Variants in CP observed in about 807,000 individuals in gnomAD.
CP encodes caeruloplasmin.
A neutral mutation model predicts 122.4 loss-of-function variants in CP; 64 were observed. That is an observed-to-expected ratio of 0.52 (90% CI 0.43 to 0.64). The LOEUF (loss-of-function observed/expected upper bound fraction) is 0.64, where lower values mean the gene tolerates loss of function less well. Ranked by LOEUF, CP falls within the 30% of genes least tolerant of loss-of-function variation. The pLI, the probability that CP is intolerant of heterozygous loss-of-function variation, is 0.00. For synonymous variants in CP, 440 were observed against 436.4 expected, an observed-to-expected ratio of 1.01 and a Z score of -0.10; for missense variants, 1,167 against 1,284.4, an observed-to-expected ratio of 0.91 and a Z score of 1.40.
At chr3:149,199,547 G>A (rs1179454061) in intron 8 of CP, among the ~76,000 whole-genome samples, 165 bp downstream of exon 8, 1 of 152,196 alleles carries the variant, frequency 6.6e-6, no homozygotes, top group African/African-American at 2.4e-5. Flanking sequence ...AAACCAATTG[G>A]AGGTAGGAGA....
At chr3:149,214,624 G>A (rs1250756194) in intron 1 of CP, among the ~76,000 whole-genome samples, 1 of 152,004 alleles carries the variant, frequency 6.6e-6, no homozygotes, top group Admixed American at 6.6e-5. Context: ...TTTTCTATTT[G>A]TTTTCACTTT....
intron 1 of CP, among the ~76,000 whole-genome samples, chr3:149,217,457 C>T (rs1485947664): frequency 6.6e-6 from 1 of 152,110 alleles, no homozygotes; most frequent in African/African-American, 2.4e-5. Flanking sequence ...TAACTAGAGA[C>T]TTTACCAATC....
At chr3:149,169,913 AG>A (rs1027417543), downstream of CP, among the ~76,000 whole-genome samples, 1 of 152,208 alleles carries the variant, frequency 6.6e-6, no homozygotes, top group African/African-American at 2.4e-5. Flanking sequence ...GAAGATTTTA[AG>A]GGTACAGGTT....
intron 1 of CP, 24 bp from the exon 2 acceptor site, chr3:149,212,722 C>T: frequency 6.2e-7 from 1 of 1,611,414 alleles, no homozygotes; most frequent in African/African-American, 1.3e-5. Context: ...CAAGACAACT[C>T]TATCAGAAGC....
At chr3:149,186,386 C>T (rs1726172322) in intron 11 of CP, 134 bp downstream of exon 11, 1 of 829,012 alleles carries the variant, frequency 1.2e-6, no homozygotes. Flanking sequence ...TAGACTTGCT[C>T]TTTCAAAGAT....
intron 2 of CP, 121 bp downstream of exon 2, chr3:149,212,330 T>A (rs1291659283): frequency 2.0e-6 from 2 of 1,009,646 alleles, no homozygotes; most frequent in South Asian, 1.8e-5. Context: ...AAAAAAAAAA[T>A]AGTTAAGAGC....
chr3:149,211,386 C>T (rs1728088616), intron 2 of CP, among the ~76,000 whole-genome samples: 1 of 152,090 alleles, frequency 6.6e-6, no homozygotes, highest in South Asian at 2.1e-4. Flanking sequence ...AGTAATTTGT[C>T]CAAGGTCACT....
At chr3:149,195,880 A>G (rs1726869560) in intron 9 of CP, among the ~76,000 whole-genome samples, 1 of 151,870 alleles carries the variant, frequency 6.6e-6, no homozygotes, top group Admixed American at 6.6e-5. Context: ...AAAAAAAAAA[A>G]GAATAAACTA....
chr3:149,174,923 T>C (rs1725312493), intron 18 of CP, among the ~76,000 whole-genome samples: 2 of 152,194 alleles, frequency 1.3e-5, no homozygotes, highest in Non-Finnish European at 1.5e-5. Context: ...TGCTATTTGT[T>C]CTGTAATTTT....
In CP at chr3:149,207,457, G is replaced by C. The variant is rs760217447; in HGVS notation, c.942C>G (p.Ile314Met). Reference sequence around the variant, plus strand: ...CAAACAGGGTAGCAGGAAAGAGGTTGATTGTGTCAATACGGTAGTTCTTGT... The same window carrying C: ...CAAACAGGGTAGCAGGAAAGAGGTTCATTGTGTCAATACGGTAGTTCTTGT... The part of the protein sequence containing the change: ...LTNKNYRIDT[I>M]NLFPATLFDA... Residue 314 changes from isoleucine to methionine, a missense_variant, in exon 5 of 19, where the codon ATC (isoleucine) becomes ATG (methionine). Around this residue, in one of 2 missense-constraint regions of CP, gnomAD observed 642 missense variants for 627.3 expected, o/e 1.02. Coordinates refer to ENST00000264613, the MANE Select transcript of CP (RefSeq NM_000096.4). 31 of 1,613,906 alleles carry C rather than the reference G, an allele frequency of 1.9e-5. No homozygotes were observed. Among genetic ancestry groups the C allele is most frequent in the Non-Finnish European group, 2.5e-5 (30 of 1,179,910 alleles).
intron 2 of CP, among the ~76,000 whole-genome samples, chr3:149,212,228 T>G (rs1728159905): frequency 1.3e-5 from 2 of 151,980 alleles, no homozygotes; most frequent in East Asian, 1.9e-4. Context: ...GGAGAATGGC[T>G]TGAACCCCGG....
At chr3:149,197,798 G>A (rs116645465) in intron 9 of CP, among the ~76,000 whole-genome samples, 3,008 of 152,252 alleles carry the variant, frequency 0.02, 114 homozygotes, top group African/African-American at 0.067. Context: ...ATGAGAATCT[G>A]TTGCCGCCAC....
intron 13 of CP, 46 bp from the exon 14 acceptor site, chr3:149,182,179 T>G: frequency 6.2e-7 from 1 of 1,609,340 alleles, no homozygotes; most frequent in Non-Finnish European, 8.5e-7. Context: ...AGGTCTAACT[T>G]AGTAATAAAA....
chr3:149,199,751 C>T lies in CP; in HGVS notation c.1462G>A (p.Gly488Ser). 1.2e-6 allele frequency: 2 copies of T among 1,614,052 alleles called. No individual in the cohort carries two copies. The highest frequency in any genetic ancestry group is 1.1e-5 in the South Asian group (1 of 91,074). The change falls in exon 8 of 19, where the codon GGC (glycine) becomes AGC (serine). Residue 488 changes from glycine (G) to serine (S), a missense_variant. Gly to Ser is a moderately conservative substitution (Grantham distance 56, BLOSUM62 0). Coordinates refer to ENST00000264613, the MANE Select transcript of CP (RefSeq NM_000096.4). Reference protein sequence around the residue: ...IGVRFNKNNEGTYYSPNYNPQ... With the variant: ...IGVRFNKNNESTYYSPNYNPQ... ...TTGTAATTTGGGGAATAGTATGTGC[C>T]CTCGTTGTTCTTATTGAATCTCACC...
chr3:149,196,089 C>T (rs916062042), intron 9 of CP, among the ~76,000 whole-genome samples: 1 of 152,076 alleles, frequency 6.6e-6, no homozygotes, highest in African/African-American at 2.4e-5. Flanking sequence ...GTGGGATCTA[C>T]CCTAATGACA....
At chr3:149,181,975 C>CGGGGGGGGGGGGGGCG in intron 14 of CP, 30 bp downstream of exon 14, 5 of 1,088,424 alleles carry the variant, frequency 4.6e-6, no homozygotes, top group Non-Finnish European at 6.8e-6. Context: ...TGTTAAAATG[C>CGGGGGGGGGGGGGGCG]ACCACCCCCA....
In CP at chr3:149,199,812, G is replaced by A. The variant is rs1727178111; in HGVS notation, c.1401C>T (p.Asn467=). ...CAATACTGAGGGGATATGCTCCTTTGTTATGGAAGGTTACTCTGATGGTGT... is the reference window on the plus strand; with the variant it reads ...CAATACTGAGGGGATATGCTCCTTTATTATGGAAGGTTACTCTGATGGTGT... ...VGDTIRVTFH[N]KGAYPLSIEP... Residue 467 remains asparagine, a synonymous_variant, in exon 8 of 19, where the codon AAC becomes AAT. Transcript: ENST00000264613. The A allele has an allele frequency of 4.3e-6, 7 of 1,614,100 alleles. No individual in the cohort carries two copies. In the Admixed American group the frequency reaches 1.0e-4, roughly 23 times the overall value.
chr3:149,178,342 C>A, intron 16 of CP, 73 bp downstream of exon 16: 1 of 1,207,406 alleles, frequency 8.3e-7, no homozygotes, highest in Non-Finnish European at 1.2e-6. Flanking sequence ...AATGAATGGT[C>A]TCCAAAATAA....
chr3:149,210,152 A>G lies in CP; in HGVS notation c.607+15T>C, dbSNP rs1439440422. The stretch of plus-strand genomic sequence containing the variant: ...CTTTTGGTCATATAGCATGTGCAAT[A>G]AGGAGAAGATGTACCTTTTTTACAG... On this transcript the variant is annotated intron_variant, in intron 3 of 18. Transcript: ENST00000264613. 5 of 1,612,574 alleles carry G rather than the reference A, an allele frequency of 3.1e-6. No homozygotes were observed. Among genetic ancestry groups the G allele is most frequent in the East Asian group, 2.2e-5 (1 of 44,876 alleles).
Sources: allele counts gnomAD v4.1 joint callset (sites outside exome capture counted in the v4.1 genomes callset), GRCh38; gene constraint gnomAD v4.1.1; regional missense constraint gnomAD v4.1.1; transcripts MANE v1.5; gene names NCBI Gene and HGNC (gene_info 2026-07-23, HGNC 2026-07-21).